The following SORCS3 variants were observed in gnomAD, a reference collection of about 807,000 sequenced individuals.
The protein encoded by SORCS3 is VPS10 domain-containing receptor SorCS3.
SORCS3 carries 57 observed loss-of-function variants against 146.3 expected under a neutral mutation model. That is an observed-to-expected ratio of 0.39 (90% CI 0.31 to 0.49). The LOEUF (loss-of-function observed/expected upper bound fraction) is 0.49, where lower values mean the gene tolerates loss of function less well. Among genes scored for constraint, SORCS3 ranks in the 20% least tolerant of loss-of-function variants. The pLI is 0.92. For missense variants in SORCS3, 1,341 were observed against 1,575.5 expected, an observed-to-expected ratio of 0.85 and a Z score of 2.52; for synonymous variants, 653 against 618.5, an observed-to-expected ratio of 1.06 and a Z score of -0.83.
In SORCS3 at chr10:104,977,408, A is replaced by T; in HGVS notation, c.869A>T (p.Lys290Met). The change falls in exon 4 of 27, where the codon AAG (lysine) becomes ATG (methionine). Residue 290 changes from lysine (K) to methionine (M), a missense_variant. Physicochemically the swap from Lys to Met is moderately conservative, Grantham distance 95 (BLOSUM62 -1). Transcript: ENST00000369701. The part of the protein sequence containing the change: ...ISSDEGATYQ[K>M]YRLTFYIQSL... Reference sequence around the variant, plus strand: ...TCAGACGAAGGGGCGACCTATCAGAAGTATCGGCTCACCTTCTATATCCAG... The same window carrying T: ...TCAGACGAAGGGGCGACCTATCAGATGTATCGGCTCACCTTCTATATCCAG... 1 of 1,613,886 alleles carries T rather than the reference A, an allele frequency of 6.2e-7. No homozygotes were observed. Among genetic ancestry groups the T allele is most frequent in the Non-Finnish European group, 8.5e-7 (1 of 1,179,862 alleles).
chr10:105,021,837 G>A (rs2055200013), intron 4 of SORCS3, among the ~76,000 whole-genome samples: 1 of 152,182 alleles, frequency 6.6e-6, no homozygotes, highest in Admixed American at 6.5e-5. Flanking sequence ...TTCCAGCCCT[G>A]TGCTTACAAG....
intron 3 of SORCS3, among the ~76,000 whole-genome samples, chr10:104,966,244 G>A (rs922526091): frequency 2.6e-5 from 4 of 151,912 alleles, no homozygotes; most frequent in African/African-American, 7.3e-5. Context: ...CTCCTCAGTT[G>A]AGAACCACTG....
intron 4 of SORCS3, among the ~76,000 whole-genome samples, chr10:104,982,702 A>G (rs1312873327): frequency 6.6e-6 from 1 of 152,344 alleles, no homozygotes; most frequent in East Asian, 1.9e-4. Context: ...CATTAGTACA[A>G]TGGAGGTGTG....
chr10:104,779,266 CT>C (rs1234087270), intron 1 of SORCS3, among the ~76,000 whole-genome samples: 1 of 152,198 alleles, frequency 6.6e-6, no homozygotes, highest in African/African-American at 2.4e-5. Flanking sequence ...GTTGCGTTGT[CT>C]TTAAGCTCCA....
At chr10:104,902,173 C>G (rs1289497629) in intron 2 of SORCS3, among the ~76,000 whole-genome samples, 1 of 152,216 alleles carries the variant, frequency 6.6e-6, no homozygotes, top group African/African-American at 2.4e-5. Flanking sequence ...ATGGGGCTTG[C>G]TGAATGCTTA....
At chr10:104,836,332 C>T (rs1214196951) in intron 1 of SORCS3, among the ~76,000 whole-genome samples, 1 of 151,960 alleles carries the variant, frequency 6.6e-6, no homozygotes, top group Non-Finnish European at 1.5e-5. Flanking sequence ...ACCACAGCAA[C>T]CATTAAAAAA....
At chr10:104,850,116 G>GCTAT (rs1463751108) in intron 2 of SORCS3, among the ~76,000 whole-genome samples, 1 of 152,198 alleles carries the variant, frequency 6.6e-6, no homozygotes, top group Non-Finnish European at 1.5e-5. Flanking sequence ...CCATTGAAGA[G>GCTAT]CTTTGCTATC....
intron 1 of SORCS3, among the ~76,000 whole-genome samples, chr10:104,725,322 A>G (rs1355625682): frequency 6.6e-6 from 1 of 152,204 alleles, no homozygotes; most frequent in African/African-American, 2.4e-5. Context: ...TTGCTGCCTG[A>G]TCATTCCTGT....
At chr10:104,751,925 AT>A (rs2016989474) in intron 1 of SORCS3, among the ~76,000 whole-genome samples, 23 of 9,396 alleles carry the variant, frequency 2.4e-3, no homozygotes, top group South Asian at 7.4e-3. Flanking sequence ...AATAGGAAGC[AT>A]ATATATATAT....
chr10:105,238,936 C>CAAAG (rs2056808449), intron 20 of SORCS3, among the ~76,000 whole-genome samples: 1 of 152,096 alleles, frequency 6.6e-6, no homozygotes, highest in Non-Finnish European at 1.5e-5. Context: ...CACACAAAGA[C>CAAAG]AAAGGAATAA....
intron 1 of SORCS3, among the ~76,000 whole-genome samples, chr10:104,678,784 G>A (rs1285330580): frequency 6.6e-6 from 1 of 152,166 alleles, no homozygotes; most frequent in Non-Finnish European, 1.5e-5. Flanking sequence ...GAGGTTTAAA[G>A]AAATAATAGG....
chr10:105,087,949 CAGGGCTGTCATT>C (rs1317094370), intron 5 of SORCS3, among the ~76,000 whole-genome samples: 1 of 152,164 alleles, frequency 6.6e-6, no homozygotes, highest in African/African-American at 2.4e-5. Context: ...AGTTACCTCC[CAGGGCTGTCATT>C]AGCAGTAAAG....
Position 105,003,480 on chromosome 10 carries a change from G to C in SORCS3, c.954+25987G>C, listed in dbSNP as rs544644643. Among the ~76,000 whole-genome samples, 4 of 152,112 alleles carry C rather than the reference G, an allele frequency of 2.6e-5. No individual in the cohort carries two copies. The East Asian group carries it at 7.7e-4, about 29-fold the overall frequency. On this transcript the variant is annotated intron_variant, in intron 4 of 26. Coordinates refer to ENST00000369701, the MANE Select transcript of SORCS3 (RefSeq NM_014978.3). The stretch of plus-strand genomic sequence containing the variant: ...ACTAGAATGTCCCCGAACTCTGCTT[G>C]CTTTTTCCAAACTCTCTGATTCCAT...
chr10:105,211,610 G>C (rs1248669343), intron 17 of SORCS3, among the ~76,000 whole-genome samples: 2 of 152,140 alleles, frequency 1.3e-5, no homozygotes, highest in Non-Finnish European at 2.9e-5. Context: ...AGTGAAAGAT[G>C]AACTGAAACT....
intron 1 of SORCS3, among the ~76,000 whole-genome samples, chr10:104,731,045 A>G (rs1337504615): frequency 6.6e-6 from 1 of 152,168 alleles, no homozygotes; most frequent in East Asian, 1.9e-4. Context: ...TGTATTTATC[A>G]TGGTTGGAAG....
At chr10:104,957,289 G>A (rs1589565968) in intron 3 of SORCS3, among the ~76,000 whole-genome samples, 1 of 152,302 alleles carries the variant, frequency 6.6e-6, no homozygotes, top group East Asian at 1.9e-4. Context: ...ACTCTCTGGT[G>A]TTCCTCTGCT....
chr10:104,721,463 C>G (rs1293582977), intron 1 of SORCS3, among the ~76,000 whole-genome samples: 1 of 152,048 alleles, frequency 6.6e-6, no homozygotes, highest in East Asian at 1.9e-4. Context: ...AATGCGGGCT[C>G]TTTTTTGGTT....
At chr10:105,249,367 G>T (rs771553973) in intron 22 of SORCS3, among the ~76,000 whole-genome samples, 5 of 152,170 alleles carry the variant, frequency 3.3e-5, no homozygotes, top group Non-Finnish European at 5.9e-5. Flanking sequence ...GGCTGTGGAG[G>T]TTGTTAGGCT....
At chr10:105,253,665 A>G (rs1173359587) in intron 23 of SORCS3, among the ~76,000 whole-genome samples, 1 of 152,220 alleles carries the variant, frequency 6.6e-6, no homozygotes, top group Non-Finnish European at 1.5e-5. Context: ...GGCATGAATC[A>G]CAAACATTTG....
Sources: gnomAD v4.1 joint callset for allele counts (sites outside exome capture counted in the v4.1 genomes callset) on GRCh38, gnomAD v4.1.1 for gene constraint, MANE v1.5 for transcripts, NCBI Gene and HGNC (gene_info 2026-07-23, HGNC 2026-07-21) for gene names.